PIGN: variants seen among roughly 807,000 people sequenced by gnomAD.
PIGN encodes the protein GPI ethanolamine phosphate transferase 1.
Under a neutral mutation model 125.4 loss-of-function variants are expected in PIGN, and 117 were observed. The observed-to-expected ratio is 0.93, with a 90% confidence interval of 0.80 to 1.09. The LOEUF (loss-of-function observed/expected upper bound fraction) is 1.09. Among genes scored for constraint, PIGN ranks in the 50% least tolerant of loss-of-function variants. The pLI is 0.00. For synonymous variants in PIGN, 392 were observed against 377.8 expected (o/e 1.04, Z -0.44); for missense variants, 1,075 against 1,094.9 (o/e 0.98, Z 0.26).
At chr18:62,124,964 G>A (rs2035450043) in intron 14 of PIGN, among the ~76,000 whole-genome samples, 1 of 151,742 alleles carries the variant, frequency 6.6e-6, no homozygotes. Flanking sequence ...AAAAGCATGA[G>A]TAAAAAATAA....
At position 62,064,559 on chromosome 18, in the gene PIGN, T is replaced by C. The variant is rs147164543; in HGVS notation, c.2672+8114A>G. Among the ~76,000 whole-genome samples, 323 of 152,370 alleles carry C rather than the reference T, an allele frequency of 2.1e-3. 2 individuals are homozygous for C. The highest frequency in any genetic ancestry group is 7.2e-3 in the African/African-American group (300 of 41,592). Reference sequence around the variant, plus strand: ...AAATAAACCTAGCTATGCCACATTATTGTGCAATCAGTCTTTCAGAACCAG... The same window carrying C: ...AAATAAACCTAGCTATGCCACATTACTGTGCAATCAGTCTTTCAGAACCAG... On this transcript the variant is annotated intron_variant, in intron 30 of 30. Transcript: ENST00000640252.
At chr18:62,092,608 A>C (rs1170771118) in intron 23 of PIGN, among the ~76,000 whole-genome samples, 2 of 152,102 alleles carry the variant, frequency 1.3e-5, no homozygotes, top group African/African-American at 4.8e-5. Context: ...AATAATGTTA[A>C]TTAGAAAAAA....
intron 21 of PIGN, among the ~76,000 whole-genome samples, chr18:62,102,473 T>C (rs2034483339): frequency 6.7e-6 from 1 of 149,434 alleles, no homozygotes; most frequent in South Asian, 2.1e-4. Flanking sequence ...TTCAAGGAAG[T>C]GACCTTCCCT....
intron 1 of PIGN, among the ~76,000 whole-genome samples, chr18:62,185,418 T>C (rs1374934986): frequency 2.0e-5 from 3 of 152,202 alleles, no homozygotes; most frequent in Non-Finnish European, 4.4e-5. Flanking sequence ...GGTACTTTTT[T>C]TTTAAACTTC....
At chr18:62,094,422 C>T (rs2034092916) in intron 23 of PIGN, among the ~76,000 whole-genome samples, 1 of 152,116 alleles carries the variant, frequency 6.6e-6, no homozygotes, top group Non-Finnish European at 1.5e-5. Context: ...CTTAAGTCAA[C>T]CTCTGGGTGT....
intron 30 of PIGN, among the ~76,000 whole-genome samples, chr18:62,054,492 T>A (rs932320998): frequency 6.2e-5 from 9 of 145,904 alleles, no homozygotes; most frequent in African/African-American, 2.0e-4. Context: ...TTTTCCTATT[T>A]TTTTTTTTTT....
chr18:62,145,868 T>TA (rs759697181), intron 10 of PIGN, 41 bp downstream of exon 10: 1 of 965,490 alleles, frequency 1.0e-6, no homozygotes, highest in South Asian at 1.4e-5. Context: ...GTTCTTATTT[T>TA]AAGAGGTTGT....
At chr18:62,178,099 C>T (rs1449980719) in intron 1 of PIGN, among the ~76,000 whole-genome samples, 3 of 152,134 alleles carry the variant, frequency 2.0e-5, no homozygotes, top group Non-Finnish European at 4.4e-5. Flanking sequence ...TCAAAATGCA[C>T]AACCACAGTA....
At chr18:62,101,732 T>C (rs904962542) in intron 21 of PIGN, among the ~76,000 whole-genome samples, 4 of 152,240 alleles carry the variant, frequency 2.6e-5, no homozygotes, top group Admixed American at 1.3e-4. Context: ...CCAAGCTCTA[T>C]TCTTGAGGAA....
intron 30 of PIGN, among the ~76,000 whole-genome samples, chr18:62,049,545 G>C (rs2031070376): frequency 6.6e-6 from 1 of 151,124 alleles, no homozygotes; most frequent in Non-Finnish European, 1.5e-5. Context: ...CTTTTTGATG[G>C]GGTTGTTTTT....
At chr18:62,085,915 T>A (rs2033675539) in intron 25 of PIGN, among the ~76,000 whole-genome samples, 1 of 152,208 alleles carries the variant, frequency 6.6e-6, no homozygotes, top group Non-Finnish European at 1.5e-5. Context: ...AGCTCTTTCA[T>A]TACCATAGAC....
chr18:62,073,667 A>AT (rs560885622), intron 29 of PIGN, among the ~76,000 whole-genome samples: 316 of 152,294 alleles, frequency 2.1e-3, no homozygotes, highest in African/African-American at 7.2e-3. Context: ...ACAATGAATA[A>AT]TGGTTCACCA....
At chr18:62,134,831 A>C (rs1190666079) in intron 14 of PIGN, among the ~76,000 whole-genome samples, 1 of 152,204 alleles carries the variant, frequency 6.6e-6, no homozygotes, top group African/African-American at 2.4e-5. Context: ...TTATATTTGA[A>C]GCATGCTTTC....
intron 15 of PIGN, 42 bp downstream of exon 15, chr18:62,114,519 A>G (rs1312723309): frequency 1.6e-6 from 2 of 1,231,598 alleles, no homozygotes; most frequent in Admixed American, 2.0e-5. Context: ...CATCCCCAAA[A>G]TGATAATCAG....
At chr18:62,168,853 ATT>A (rs375012504) in intron 1 of PIGN, among the ~76,000 whole-genome samples, 6 of 122,232 alleles carry the variant, frequency 4.9e-5, no homozygotes, top group Admixed American at 1.8e-4. Context: ...ACAACCACTA[ATT>A]TTTTTTTTTT....
intron 16 of PIGN, among the ~76,000 whole-genome samples, chr18:62,112,179 CATACACTCAA>C (rs1182530414): frequency 6.6e-6 from 1 of 152,124 alleles, no homozygotes; most frequent in African/African-American, 2.4e-5. Context: ...GCCAATTTCA[CATACACTCAA>C]ATAATTAAAA....
At chr18:62,109,775 A>T (rs1306814858) in intron 17 of PIGN, 59 bp downstream of exon 17, 7 of 1,457,584 alleles carry the variant, frequency 4.8e-6, no homozygotes, top group Non-Finnish European at 6.6e-6. Context: ...ACTGCATTTT[A>T]AATACAGATT....
At chr18:62,121,327 T>C (rs534511555) in intron 14 of PIGN, among the ~76,000 whole-genome samples, 20 of 152,250 alleles carry the variant, frequency 1.3e-4, no homozygotes, top group African/African-American at 4.6e-4. Flanking sequence ...AATTCACCCA[T>C]CAAACCACAG....
chr18:62,076,180 G>A (rs865856807), intron 28 of PIGN, among the ~76,000 whole-genome samples: 6 of 152,192 alleles, frequency 3.9e-5, no homozygotes, highest in South Asian at 2.1e-4. Context: ...GTATCCGCCC[G>A]CCTCGGCCTC....
Sources: gnomAD v4.1 joint callset for allele counts (sites outside exome capture counted in the v4.1 genomes callset) on GRCh38, gnomAD v4.1.1 for gene constraint, MANE v1.5 for transcripts, NCBI Gene and HGNC (gene_info 2026-07-23, HGNC 2026-07-21) for gene names.